The following TNKS1BP1 variants were observed in gnomAD, a reference collection of about 807,000 sequenced individuals.
The protein encoded by TNKS1BP1 is 182 kDa tankyrase-1-binding protein.
Under a neutral mutation model 141.1 loss-of-function variants are expected in TNKS1BP1, and 48 were observed. The ratio of observed to expected loss-of-function variants is 0.34; its 90% CI spans 0.27 to 0.43. TNKS1BP1 has a LOEUF of 0.43. Among genes scored for constraint, TNKS1BP1 ranks in the 20% least tolerant of loss-of-function variants. The probability of loss-of-function intolerance (pLI) is 1.00; values close to 1 mark genes in which losing one functional copy is unlikely to be tolerated. For missense variants in TNKS1BP1, 2,149 were observed against 2,226.0 expected, an observed-to-expected ratio of 0.97 and a Z score of 0.70; for synonymous variants, 875 against 898.2, an observed-to-expected ratio of 0.97 and a Z score of 0.46.
At position 57,313,884 on chromosome 11, in the gene TNKS1BP1, G is replaced by A; in HGVS notation, c.804C>T (p.Ser268=). Reference sequence around the variant, plus strand: ...CTGGACTTGAGGGAATCCAGGGCTTGGAAATCTGCAAGAGAAAGAAAGGTC... The same window carrying A: ...CTGGACTTGAGGGAATCCAGGGCTTAGAAATCTGCAAGAGAAAGAAAGGTC... ...AASSELPADI[S]KPWIPSSPAP... The change falls in exon 5 of 12, where the codon TCC becomes TCT. Residue 268 remains serine, a synonymous_variant. Coordinates refer to ENST00000358252, the MANE Select transcript of TNKS1BP1 (RefSeq NM_033396.3). The A allele has an allele frequency of 6.7e-7, 1 of 1,499,530 alleles. No homozygotes were observed. The allele number at this position is 1,499,530 out of a possible 1,614,324, so 92.9% of individuals were successfully genotyped here. A position where few individuals can be genotyped will look rare whatever the true frequency, so the allele number is the denominator to read the frequency against.
At chr11:57,303,962 C>T (rs1316493911) in intron 6 of TNKS1BP1, among the ~76,000 whole-genome samples, 1 of 152,126 alleles carries the variant, frequency 6.6e-6, no homozygotes, top group Admixed American at 6.5e-5. Flanking sequence ...CCAGCGGCCA[C>T]TCCCCAAAAT....
At chr11:57,322,535 C>A (rs1000808448) in intron 1 of TNKS1BP1, among the ~76,000 whole-genome samples, 1 of 152,142 alleles carries the variant, frequency 6.6e-6, no homozygotes, top group Non-Finnish European at 1.5e-5. Flanking sequence ...CATCCAAACA[C>A]GGAAAAATAA....
At position 57,308,727 on chromosome 11, in the gene TNKS1BP1, A is replaced by G. The variant is rs1209113842; in HGVS notation, c.3984T>C (p.Ser1328=). 1.2e-6 allele frequency: 2 copies of G among 1,613,632 alleles called. No individual in the cohort carries two copies. Among genetic ancestry groups the G allele is most frequent in the Admixed American group, 1.7e-5 (1 of 60,008 alleles). ...RDLEVTCDPD[S]GGSQGLRGCG... ...ATCCCCGTAGCCCCTGAGAACCTCC[A>G]GAGTCTGGGTCACAGGTCACCTCCA... Residue 1328 remains serine (S), a synonymous_variant, in exon 6 of 12, where the codon TCT becomes TCC. Coordinates refer to ENST00000358252, the MANE Select transcript of TNKS1BP1 (RefSeq NM_033396.3).
At position 57,308,910 on chromosome 11, in the gene TNKS1BP1, C is replaced by A; in HGVS notation, c.3801G>T (p.Glu1267Asp). 6.2e-7 allele frequency: 1 copy of A among 1,613,962 alleles called. No individual in the cohort carries two copies. The highest frequency in any genetic ancestry group is 8.5e-7 in the Non-Finnish European group (1 of 1,180,014). Residue 1267 changes from glutamate (E) to aspartate (D), a missense_variant, in exon 6 of 12, where the codon GAG (glutamate) becomes GAT (aspartate). Physicochemically the swap from Glu to Asp is conservative, Grantham distance 45. Coordinates refer to ENST00000358252, the MANE Select transcript of TNKS1BP1 (RefSeq NM_033396.3). Reference sequence around the variant, plus strand: ...CTCCACGCTCCCTTGATTTAAGGAACTCTCCGGCCTCCACACCTGACCAGT... The same window carrying A: ...CTCCACGCTCCCTTGATTTAAGGAAATCTCCGGCCTCCACACCTGACCAGT... ...QTDWSGVEAG[E>D]FLKSRERGVG...
In TNKS1BP1 at chr11:57,309,144, C is replaced by G. The variant is rs747234538; in HGVS notation, c.3567G>C (p.Val1189=). The G allele has an allele frequency of 1.2e-6, 2 of 1,614,160 alleles. No homozygotes were observed. Among genetic ancestry groups the G allele is most frequent in the African/African-American group, 1.3e-5 (1 of 75,026 alleles). ...GGSSEARESA[V]GQMGWSGGLS... ...GGCCACCTGACCAGCCCATCTGTCC[C>G]ACGGCACTCTCCCTGGCCTCGCTCG... Residue 1189 remains valine (V), a synonymous_variant, in exon 6 of 12, where the codon GTG becomes GTC. Coordinates refer to ENST00000358252, the MANE Select transcript of TNKS1BP1 (RefSeq NM_033396.3). This position sits in a 1 kb window ranked among gnomAD's most constrained non-coding sequence, Gnocchi z 4.3.
chr11:57,303,861 G>A (rs1308789128), intron 6 of TNKS1BP1, among the ~76,000 whole-genome samples: 1 of 152,022 alleles, frequency 6.6e-6, no homozygotes, highest in Non-Finnish European at 1.5e-5. Flanking sequence ...ACCAGCCTGG[G>A]CAACATAGCA....
At chr11:57,311,412 G>A (rs1565042441) in intron 5 of TNKS1BP1, 1 of 985,744 alleles carries the variant, frequency 1.0e-6, no homozygotes, top group Non-Finnish European at 1.2e-6. Context: ...CGGCCAGCCG[G>A]GCGCAGGGAT....
chr11:57,318,539 A>C (rs1855831669), intron 3 of TNKS1BP1, among the ~76,000 whole-genome samples: 1 of 152,198 alleles, frequency 6.6e-6, no homozygotes, highest in Admixed American at 6.5e-5. Context: ...CTTAGCCCAG[A>C]CCACACCAGC....
Position 57,309,559 on chromosome 11 carries a change from C to T in TNKS1BP1, c.3152G>A (p.Ser1051Asn), listed in dbSNP as rs141886247. The change falls in exon 6 of 12, where the codon AGT becomes AAT. Residue 1051 changes from serine to asparagine, a missense_variant. By Grantham distance (46) the Ser-to-Asn change is conservative. Transcript: ENST00000358252. This position sits in a 1 kb window ranked among gnomAD's most constrained non-coding sequence, Gnocchi z 4.3. ...GQRDQSSWQNSDASQEVGGHQ... is the reference protein window; with the variant it reads ...GQRDQSSWQNNDASQEVGGHQ... Reference sequence around the variant, plus strand: ...CCCTCCCACCTCCTGGCTAGCATCACTGTTTTGCCAGCTGCTCTGGTCTCT... The same window carrying T: ...CCCTCCCACCTCCTGGCTAGCATCATTGTTTTGCCAGCTGCTCTGGTCTCT... The T allele has an allele frequency of 1.0e-3, 1,684 of 1,613,400 alleles. No homozygotes were observed. The highest frequency in any genetic ancestry group is 1.3e-3 in the Non-Finnish European group (1,542 of 1,180,026).
intron 1 of TNKS1BP1, among the ~76,000 whole-genome samples, chr11:57,323,493 A>G (rs1461700051): frequency 6.6e-6 from 1 of 152,198 alleles, no homozygotes; most frequent in African/African-American, 2.4e-5. Context: ...CACCCACTCC[A>G]GCTGGTCTGG....
Position 57,322,083 on chromosome 11 carries a change from G to C in TNKS1BP1, c.-65-133C>G, listed in dbSNP as rs568053432. ...AGAGAACTTGGAGTGGGGGGGGGGG[G>C]GTAGGAGGAGGTCAAGGGAGGTTCC... On this transcript the variant is annotated intron_variant, in intron 1 of 11. Transcript: ENST00000358252. 2.5e-3 allele frequency: 1,457 copies of C among 589,150 alleles called. 21 individuals carry two copies. Among genetic ancestry groups the C allele is most frequent in the Non-Finnish European group, 3.2e-3 (1,233 of 385,748 alleles). 36.5% of individuals were successfully genotyped at this position (589,150 alleles called of 1,614,324 possible).
At chr11:57,312,323 T>C (rs374377253) in intron 5 of TNKS1BP1, among the ~76,000 whole-genome samples, 7 of 152,138 alleles carry the variant, frequency 4.6e-5, no homozygotes, top group South Asian at 2.1e-4. Flanking sequence ...CAGCTAGCGA[T>C]TGCTGGAGCT....
intron 4 of TNKS1BP1, among the ~76,000 whole-genome samples, chr11:57,315,660 C>T (rs892649015): frequency 6.6e-6 from 1 of 151,948 alleles, no homozygotes; most frequent in Non-Finnish European, 1.5e-5. Flanking sequence ...GTCAGACCTC[C>T]ACACCTCCCC....
intron 4 of TNKS1BP1, 135 bp from the exon 5 acceptor site, chr11:57,314,024 C>T (rs1855760910): frequency 9.5e-7 from 1 of 1,054,790 alleles, no homozygotes; most frequent in African/African-American, 1.7e-5. Flanking sequence ...AGGGGGTCCT[C>T]TTGGGATAGC....
intron 5 of TNKS1BP1, 126 bp from the exon 6 acceptor site, chr11:57,310,682 G>C (rs1855692725): frequency 7.8e-7 from 1 of 1,283,546 alleles, no homozygotes; most frequent in Non-Finnish European, 1.1e-6. Context: ...AAAGCTGTGT[G>C]ACCTTGAGCA....
Position 57,302,760 on chromosome 11 carries a change from G to A in TNKS1BP1, c.4382C>T (p.Ala1461Val). 6.4e-7 allele frequency: 1 copy of A among 1,573,282 alleles called. No individual in the cohort carries two copies. Among genetic ancestry groups the A allele is most frequent in the Non-Finnish European group, 8.6e-7 (1 of 1,164,018 alleles). ...AGCCACCGCCTTGGAGCTGCTGGCT[G>A]CCAGCATCTCCTCCAGCAGGCCCTG... ...GSQGLLEEML[A>V]ASSSKAVARR... The change falls in exon 7 of 12, where the codon GCA (alanine) becomes GTA (valine). Residue 1461 changes from alanine to valine, a missense_variant. Transcript: ENST00000358252. The surrounding 1 kb of genome is among the most constrained non-coding windows in gnomAD (Gnocchi z 5.5).
intron 3 of TNKS1BP1, 65 bp downstream of exon 3, chr11:57,320,014 C>T: frequency 4.2e-6 from 5 of 1,202,554 alleles, no homozygotes; most frequent in Non-Finnish European, 4.8e-6. Context: ...GTCCCCAGCC[C>T]CCACCCAATC....
rs1461490018 is a variant in TNKS1BP1, at chr11:57,309,413, C to T, written c.3298G>A (p.Ala1100Thr). The T allele has an allele frequency of 1.2e-6, 2 of 1,614,112 alleles. No homozygotes were observed. Among genetic ancestry groups the T allele is most frequent in the South Asian group, 1.1e-5 (1 of 91,072 alleles). Residue 1100 changes from alanine to threonine, a missense_variant, in exon 6 of 12, where the codon GCA (alanine) becomes ACA (threonine). Transcript: ENST00000358252. This position sits in a 1 kb window ranked among gnomAD's most constrained non-coding sequence, Gnocchi z 4.3. ...FSLSVGPQRE[A>T]AFSPGQQDWS... ...TCCTGCTGCCCTGGGCTAAATGCTG[C>T]CTCTCGCTGGGGGCCAACACTGAGG...
intron 1 of TNKS1BP1, among the ~76,000 whole-genome samples, chr11:57,323,721 G>A (rs77360448): frequency 0.015 from 2,268 of 152,326 alleles, 60 homozygotes; most frequent in African/African-American, 0.051. Flanking sequence ...GCCAGGCCAA[G>A]TGTGGTGGGG....
Sources: gnomAD v4.1 joint callset for allele counts (sites outside exome capture counted in the v4.1 genomes callset) on GRCh38, gnomAD v4.1.1 for gene constraint, Gnocchi (gnomAD v3.1) non-coding constraint, MANE v1.5 for transcripts, NCBI Gene and HGNC (gene_info 2026-07-23, HGNC 2026-07-21) for gene names.